CCDC50: variants seen among roughly 807,000 people sequenced by gnomAD.
The protein encoded by CCDC50 is coiled-coil domain containing 50.
In CCDC50, 54 loss-of-function variants were observed where a neutral mutation model predicts 70.2. That is an observed-to-expected ratio of 0.77 (90% CI 0.62 to 0.96). The LOEUF is 0.96. Ranked by LOEUF, CCDC50 falls within the 50% of genes least tolerant of loss-of-function variation. The probability of loss-of-function intolerance (pLI) is 0.00; values close to 1 mark genes in which losing one functional copy is unlikely to be tolerated. For missense variants in CCDC50, 558 were observed against 578.7 expected (o/e 0.96, Z 0.37); for synonymous variants, 216 against 198.8 (o/e 1.09, Z -0.73).
At chr3:191,372,534 A>G (rs1463097994) in intron 5 of CCDC50, among the ~76,000 whole-genome samples, 1 of 152,012 alleles carries the variant, frequency 6.6e-6, no homozygotes, top group Non-Finnish European at 1.5e-5. Context: ...CTTTCATTGT[A>G]CTTCTCTGTA....
chr3:191,357,041 G>A (rs928664723), intron 1 of CCDC50, 47 bp from the exon 2 acceptor site: 9 of 1,178,412 alleles, frequency 7.6e-6, no homozygotes, highest in Non-Finnish European at 1.1e-5. Flanking sequence ...GTATGTTAAA[G>A]TATTACTAAT....
chr3:191,387,851 A>T (rs1426634791), intron 10 of CCDC50, among the ~76,000 whole-genome samples: 1 of 152,124 alleles, frequency 6.6e-6, no homozygotes, highest in South Asian at 2.1e-4. Context: ...TAATGACATT[A>T]ATAAAAGAGA....
In CCDC50 at chr3:191,380,275, G is replaced by A. The variant is rs1017108039; in HGVS notation, c.1092+1G>A. ...AAAACTGCAAGAAGAAGAACTTTTG[G>A]TGAGCAAATTTTAAGGCAAAAGTTT... On this transcript the variant is annotated splice_donor_variant, in intron 7 of 11. Transcript: ENST00000392455. LOFTEE classifies it high-confidence loss of function. 1.3e-6 allele frequency: 2 copies of A among 1,599,170 alleles called. No individual in the cohort carries two copies. The highest frequency in any genetic ancestry group is 1.7e-5 in the Admixed American group (1 of 59,806).
At chr3:191,330,207 C>G (rs1294733202) in intron 1 of CCDC50, among the ~76,000 whole-genome samples, 3 of 152,102 alleles carry the variant, frequency 2.0e-5, no homozygotes, top group Non-Finnish European at 4.4e-5. Flanking sequence ...GGCTGGCTGA[C>G]TTTCCCACCT....
intron 10 of CCDC50, among the ~76,000 whole-genome samples, chr3:191,385,397 G>A (rs1262262724): frequency 2.0e-5 from 3 of 151,976 alleles, no homozygotes; most frequent in African/African-American, 4.8e-5. Context: ...TTTGATTTGC[G>A]TCTCTGATAA....
At position 191,350,219 on chromosome 3, in the gene CCDC50, G is replaced by T. The variant is rs796773880; in HGVS notation, c.50-6869G>T. Reference sequence around the variant, plus strand: ...AAGTGCTGTATAAATTTCAGTTGTGGCTGTCTGTTATTACCAAACTTTCAC... The same window carrying T: ...AAGTGCTGTATAAATTTCAGTTGTGTCTGTCTGTTATTACCAAACTTTCAC... On this transcript the variant is annotated intron_variant, in intron 1 of 11. Transcript: ENST00000392455. Among the ~76,000 whole-genome samples the T allele has an allele frequency of 7.8e-5, 11 of 141,482 alleles. 1 individual carries two copies. The highest frequency in any genetic ancestry group is 2.8e-4 in the African/African-American group (11 of 39,870). The allele number at this position is 141,482 out of a possible 152,430, so 92.8% of individuals were successfully genotyped here.
intron 10 of CCDC50, among the ~76,000 whole-genome samples, chr3:191,383,993 A>G (rs1290293121): frequency 6.6e-6 from 1 of 152,168 alleles, no homozygotes; most frequent in Non-Finnish European, 1.5e-5. Flanking sequence ...TTAATTCTGC[A>G]GTCTTCAGAT....
rs566541597 is a variant in CCDC50, at chr3:191,370,478, G to T, written c.448+442G>T. 1.3e-3 allele frequency among the ~76,000 whole-genome samples: 167 copies of T among 128,608 alleles called. 2 individuals are homozygous for T. In the East Asian group the frequency reaches 0.017, roughly 13 times the overall value. The allele number at this position is 128,608 out of a possible 152,430, so 84.4% of individuals were successfully genotyped here. ...GAACATGCGGTGGTTTTTTTTGTTT[G>T]TTTTTTTGTTTTTTTTTTTGTTTTT... On this transcript the variant is annotated intron_variant, in intron 5 of 11. Transcript: ENST00000392455.
chr3:191,382,623 A>C (rs1576973760), intron 9 of CCDC50, 123 bp from the exon 10 acceptor site: 1 of 671,666 alleles, frequency 1.5e-6, no homozygotes. Flanking sequence ...AATTAATCTG[A>C]AATTACTAAG....
intron 10 of CCDC50, among the ~76,000 whole-genome samples, chr3:191,385,737 G>T (rs144001113): frequency 0.011 from 1,637 of 152,120 alleles, 28 homozygotes; most frequent in African/African-American, 0.037. Flanking sequence ...GGCCAGTGTT[G>T]AGAATAGTCT....
intron 10 of CCDC50, among the ~76,000 whole-genome samples, chr3:191,388,608 A>G (rs1350776856): frequency 3.3e-5 from 5 of 152,210 alleles, no homozygotes; most frequent in African/African-American, 1.2e-4. Context: ...AAGATAAAAA[A>G]TTTGGAAACA....
intron 5 of CCDC50, among the ~76,000 whole-genome samples, chr3:191,373,172 A>G (rs191581827): frequency 1.3e-5 from 2 of 152,184 alleles, no homozygotes; most frequent in Admixed American, 6.5e-5. Context: ...TATATTTGCC[A>G]AATAACTTGG....
chr3:191,364,980 CTG>C (rs1032917075), intron 4 of CCDC50, among the ~76,000 whole-genome samples: 12 of 152,074 alleles, frequency 7.9e-5, no homozygotes, highest in African/African-American at 2.7e-4. Context: ...ATACTGGACT[CTG>C]TGAATTAGTG....
chr3:191,336,061 A>G (rs1022596668), intron 1 of CCDC50, among the ~76,000 whole-genome samples: 1 of 151,946 alleles, frequency 6.6e-6, no homozygotes, highest in Non-Finnish European at 1.5e-5. Flanking sequence ...TCCATTCACT[A>G]ATTGAAGAAC....
chr3:191,332,921 C>A (rs1354119736), intron 1 of CCDC50, among the ~76,000 whole-genome samples: 1 of 152,204 alleles, frequency 6.6e-6, no homozygotes, highest in Non-Finnish European at 1.5e-5. Flanking sequence ...AACTTCTTTG[C>A]AATTTCTTAA....
intron 4 of CCDC50, among the ~76,000 whole-genome samples, chr3:191,366,769 G>A (rs569206104): frequency 1.3e-5 from 2 of 151,088 alleles, no homozygotes; most frequent in South Asian, 4.2e-4. Flanking sequence ...TGTTTTTTTT[G>A]GATAAAGTTT....
At chr3:191,342,821 T>C (rs76898988) in intron 1 of CCDC50, among the ~76,000 whole-genome samples, 28,628 of 152,236 alleles carry the variant, frequency 0.19, 3,175 homozygotes, top group Non-Finnish European at 0.24. Flanking sequence ...AAAAATTGTT[T>C]TGAAAAAATT....
chr3:191,360,962 A>T (rs1308401637), intron 3 of CCDC50, 107 bp from the exon 4 acceptor site: 6 of 776,944 alleles, frequency 7.7e-6, no homozygotes, highest in Non-Finnish European at 1.3e-5. Context: ...AGTGAGAAAA[A>T]TAATGTACTT....
intron 4 of CCDC50, 40 bp downstream of exon 4, chr3:191,361,199 G>A (rs1712475769): frequency 1.3e-6 from 2 of 1,481,956 alleles, no homozygotes; most frequent in Non-Finnish European, 1.9e-6. Flanking sequence ...ATGGAGAAAG[G>A]GGTGCTCAGC....
Sources: allele counts gnomAD v4.1 joint callset (sites outside exome capture counted in the v4.1 genomes callset), GRCh38; gene constraint gnomAD v4.1.1; transcripts MANE v1.5; gene names NCBI Gene and HGNC (gene_info 2026-07-23, HGNC 2026-07-21).